Variants in RIC1 observed in about 807,000 individuals in gnomAD.
RIC1 encodes RIC1 partner of RAB6A GEF complex, also known as guanine nucleotide exchange factor subunit RIC1.
Under a neutral mutation model 169.0 loss-of-function variants are expected in RIC1, and 88 were observed. That is an observed-to-expected ratio of 0.52 (90% CI 0.44 to 0.62). The LOEUF is 0.62. RIC1 is among the 20% of genes least tolerant of loss of function. The probability of loss-of-function intolerance (pLI) is 0.00; values close to 1 mark genes in which losing one functional copy is unlikely to be tolerated. For missense variants in RIC1, 1,877 were observed against 1,725.5 expected, an observed-to-expected ratio of 1.09 and a Z score of -1.56; for synonymous variants, 790 against 601.5, an observed-to-expected ratio of 1.31 and a Z score of -4.59.
At chr9:5,694,644 T>C (rs1185432681) in intron 3 of RIC1, among the ~76,000 whole-genome samples, 1 of 152,172 alleles carries the variant, frequency 6.6e-6, no homozygotes, top group Non-Finnish European at 1.5e-5. Context: ...TAGTGAAAAC[T>C]CCCTTATTGG....
chr9:5,676,447 T>C (rs958864981), intron 2 of RIC1, among the ~76,000 whole-genome samples: 3 of 152,334 alleles, frequency 2.0e-5, no homozygotes, highest in Admixed American at 6.5e-5. Flanking sequence ...TTAAAATTAA[T>C]TTGTTATTCA....
At chr9:5,683,935 C>A (rs1821030289) in intron 2 of RIC1, among the ~76,000 whole-genome samples, 1 of 152,176 alleles carries the variant, frequency 6.6e-6, no homozygotes, top group Non-Finnish European at 1.5e-5. Flanking sequence ...GGCATAGGAC[C>A]CTCCGAGCCA....
chr9:5,723,303 G>A (rs187453135), intron 6 of RIC1, among the ~76,000 whole-genome samples: 327 of 152,212 alleles, frequency 2.1e-3, no homozygotes, highest in African/African-American at 7.5e-3. Flanking sequence ...TTCTTTGATG[G>A]CCAGTGATAA....
intron 1 of RIC1, among the ~76,000 whole-genome samples, chr9:5,652,543 A>G (rs2130418059): frequency 6.6e-6 from 1 of 151,982 alleles, no homozygotes; most frequent in East Asian, 1.9e-4. Flanking sequence ...TGGTTTTTGT[A>G]TATTGATTTT....
rs1284274543 is a variant in RIC1 at position 5,754,895 on chromosome 9, C to G, written c.1657C>G (p.Leu553Val). Residue 553 changes from leucine to valine, a missense_variant, in exon 15 of 26, where the codon CTT (leucine) becomes GTT (valine). Around this residue, in one of 3 missense-constraint regions of RIC1, gnomAD observed 1,104 missense variants for 992.0 expected, o/e 1.11. Transcript: ENST00000414202. ...AGCCTGGTGGAATGATTTTATGGTCCTTGCGTGTTATAACATAAATGACCG... is the reference window on the plus strand; with the variant it reads ...AGCCTGGTGGAATGATTTTATGGTCGTTGCGTGTTATAACATAAATGACCG... ...GLAWWNDFMV[L>V]ACYNINDRQE... is the part of the protein sequence containing the mutation. The G allele has an allele frequency of 1.0e-5, 16 of 1,569,384 alleles. No homozygotes were observed. Among genetic ancestry groups the G allele is most frequent in the Non-Finnish European group, 1.4e-5 (16 of 1,151,362 alleles).
chr9:5,705,192 GT>G (rs35035828), intron 3 of RIC1, among the ~76,000 whole-genome samples: 1,472 of 113,384 alleles, frequency 0.013, 9 homozygotes, highest in East Asian at 0.017. Flanking sequence ...TCCCATTTCT[GT>G]TTTTTTTTTT....
chr9:5,763,466 G>A lies in RIC1; in HGVS notation c.2439G>A (p.Val813=). Residue 813 remains valine (V), a synonymous_variant, in exon 19 of 26, where the codon GTG becomes GTA. Transcript: ENST00000414202. This position sits in a 1 kb window ranked among gnomAD's most constrained non-coding sequence, Gnocchi z 5.2. ...ACAATGCTAGAGAACAGCTGGAGGT[G>A]CTCTTCCCTTTCTGTGTTGTGGAGA... is the stretch of plus-strand genomic sequence containing the variant. ...TRNNAREQLE[V]LFPFCVVERT... 1 of 1,614,148 alleles carries A rather than the reference G, an allele frequency of 6.2e-7. No homozygotes were observed. The highest frequency in any genetic ancestry group is 8.5e-7 in the Non-Finnish European group (1 of 1,180,026).
intron 6 of RIC1, among the ~76,000 whole-genome samples, chr9:5,723,908 A>G (rs1474778636): frequency 2.6e-5 from 4 of 152,034 alleles, no homozygotes; most frequent in African/African-American, 4.8e-5. Context: ...GTTCTGTTCC[A>G]TTGGTCTAGA....
chr9:5,747,220 G>T, intron 11 of RIC1, 82 bp from the exon 12 acceptor site: 2 of 996,246 alleles, frequency 2.0e-6, no homozygotes, highest in Non-Finnish European at 1.6e-6. Flanking sequence ...CTAAATCGAT[G>T]TGTTATTTTT....
intron 16 of RIC1, 41 bp from the exon 17 acceptor site, chr9:5,757,272 G>C: frequency 6.2e-7 from 1 of 1,607,962 alleles, no homozygotes; most frequent in Non-Finnish European, 8.5e-7. Context: ...AATCTTATTA[G>C]CATTGTTGTT....
intron 12 of RIC1, 25 bp from the exon 13 acceptor site, chr9:5,753,175 C>T (rs2131036347): frequency 7.5e-6 from 12 of 1,590,110 alleles, no homozygotes; most frequent in Middle Eastern, 1.7e-4. Context: ...TAAGTTTTAC[C>T]AATCTGATGT....
intron 2 of RIC1, among the ~76,000 whole-genome samples, chr9:5,686,249 C>T (rs986933891): frequency 6.6e-6 from 1 of 151,692 alleles, no homozygotes; most frequent in Non-Finnish European, 1.5e-5. Context: ...ACTAGAAATA[C>T]CATTTGACCC....
At chr9:5,722,064 C>G (rs1406845799) in intron 6 of RIC1, among the ~76,000 whole-genome samples, 1 of 151,662 alleles carries the variant, frequency 6.6e-6, no homozygotes, top group African/African-American at 2.4e-5. Context: ...AATTTTGTGT[C>G]TTTAGTAGAG....
At chr9:5,640,873 A>G (rs1035568928) in intron 1 of RIC1, among the ~76,000 whole-genome samples, 1 of 152,050 alleles carries the variant, frequency 6.6e-6, no homozygotes, top group African/African-American at 2.4e-5. Flanking sequence ...ATACTGTTCT[A>G]AGGTAAATGC....
rs560097834 is a variant in RIC1, at chr9:5,753,300, T to G, written c.1491+62T>G. 1.0e-4 allele frequency: 144 copies of G among 1,439,542 alleles called. No individual in the cohort carries two copies. The South Asian group carries it at 1.6e-3, about 16-fold the overall frequency. The allele number at this position is 1,439,542 out of a possible 1,614,324, so 89.2% of individuals were successfully genotyped here. On this transcript the variant is annotated intron_variant, in intron 13 of 25. Transcript: ENST00000414202. ...CTAGCATTTGCTGCAAGAGGCATTC[T>G]GGGAAGAGCCCTTCAGTGGGTGTAC...
At chr9:5,771,952 A>T (rs1353620083) in intron 23 of RIC1, among the ~76,000 whole-genome samples, 1 of 152,172 alleles carries the variant, frequency 6.6e-6, no homozygotes, top group Non-Finnish European at 1.5e-5. Context: ...ACTCTTTAAG[A>T]ATTATGACCA....
chr9:5,673,870 G>A (rs1820275309), intron 2 of RIC1, among the ~76,000 whole-genome samples: 1 of 151,910 alleles, frequency 6.6e-6, no homozygotes, highest in East Asian at 1.9e-4. Flanking sequence ...AGTTACAGAA[G>A]AATGTTAAGT....
chr9:5,684,989 A>T (rs567520423), intron 2 of RIC1, among the ~76,000 whole-genome samples: 1 of 150,624 alleles, frequency 6.6e-6, no homozygotes, highest in African/African-American at 2.4e-5. Context: ...TTAAACCCCA[A>T]CCCTGCATTC....
chr9:5,665,095 C>G (rs775895403), intron 2 of RIC1, among the ~76,000 whole-genome samples: 17 of 150,926 alleles, frequency 1.1e-4, no homozygotes, highest in Non-Finnish European at 1.6e-4. Context: ...CTGGGTGTTC[C>G]TACATTGGGA....
Sources: allele counts gnomAD v4.1 joint callset (sites outside exome capture counted in the v4.1 genomes callset), GRCh38; gene constraint gnomAD v4.1.1; regional missense constraint gnomAD v4.1.1; non-coding constraint Gnocchi (gnomAD v3.1); transcripts MANE v1.5; gene names NCBI Gene and HGNC (gene_info 2026-07-23, HGNC 2026-07-21).